Variants in ADRA1A observed in about 807,000 individuals in gnomAD.
The protein encoded by ADRA1A is adrenoceptor alpha 1A, also known as alpha-1A adrenergic receptor.
A neutral mutation model predicts 29.6 loss-of-function variants in ADRA1A; 31 were observed. The observed-to-expected ratio is 1.05, with a 90% CI of 0.79 to 1.41. The LOEUF (loss-of-function observed/expected upper bound fraction) is 1.41. Among genes scored for constraint, ADRA1A ranks in the 40% most tolerant of loss-of-function variants. The probability of loss-of-function intolerance (pLI) is 0.00; values close to 1 mark genes in which losing one functional copy is unlikely to be tolerated. For synonymous variants in ADRA1A, 311 were observed against 254.3 expected (o/e 1.22, Z -2.12); for missense variants, 619 against 601.1 (o/e 1.03, Z -0.31).
rs562169928 is a variant in ADRA1A at position 26,795,386 on chromosome 8, T to C, written c.884-24720A>G. Among the ~76,000 whole-genome samples the C allele has an allele frequency of 3.3e-5, 5 of 152,302 alleles. No homozygotes were observed. In the East Asian group the frequency reaches 9.7e-4, roughly 29 times the overall value. Reference sequence around the variant, plus strand: ...GATGCTGGGGGAAAATAAACCTTTATTTATTACCTTTGAAGGAAACTAATA... The same window carrying C: ...GATGCTGGGGGAAAATAAACCTTTACTTATTACCTTTGAAGGAAACTAATA... On this transcript the variant is annotated intron_variant, in intron 2 of 2. Coordinates refer to ENST00000380573, the MANE Select transcript of ADRA1A (RefSeq NM_000680.4).
At chr8:26,809,392 G>T (rs1160571741) in intron 2 of ADRA1A, among the ~76,000 whole-genome samples, 1 of 152,086 alleles carries the variant, frequency 6.6e-6, no homozygotes, top group Non-Finnish European at 1.5e-5. Flanking sequence ...CCAAAAGAAA[G>T]CAACTTCCTC....
chr8:26,753,641 GAC>G (rs1391539171), downstream of ADRA1A, among the ~76,000 whole-genome samples: 2 of 152,082 alleles, frequency 1.3e-5, no homozygotes, highest in African/African-American at 4.8e-5. Context: ...GATAAATGAA[GAC>G]AGTCTTAAAA....
chr8:26,855,994 G>A (rs993821603), intron 2 of ADRA1A, among the ~76,000 whole-genome samples: 1 of 151,864 alleles, frequency 6.6e-6, no homozygotes, highest in African/African-American at 2.4e-5. Flanking sequence ...TAACTCACTT[G>A]TCTATAGCCT....
rs1251341646 is a variant in ADRA1A, at chr8:26,787,396, G to GA, written c.884-16731dup. ...TTCAGAATAGACATGTTTGGACATG[G>GA]AAAAAAAACCCACACATACTATATT... On this transcript the variant is annotated intron_variant, in intron 2 of 2. Coordinates refer to ENST00000380573, the MANE Select transcript of ADRA1A (RefSeq NM_000680.4). This position sits in a 1 kb window ranked among gnomAD's most constrained non-coding sequence, Gnocchi z 4.2. 1.1e-4 allele frequency among the ~76,000 whole-genome samples: 16 copies of GA among 151,772 alleles called. No individual in the cohort carries two copies. Among genetic ancestry groups the GA allele is most frequent in the African/African-American group, 3.4e-4 (14 of 41,382 alleles).
At position 26,867,133 on chromosome 8, in the gene ADRA1A, T is replaced by C; in HGVS notation, c.-884A>G. On this transcript the variant is annotated 5_prime_UTR_variant, in exon 1 of 3. Transcript: ENST00000380573. ...TTAAGCTCCTGAACCGCTGTCACTT[T>C]ACCTGCATTTTTTAAAAAGAGTCAA... is the stretch of plus-strand genomic sequence containing the variant. 1.0e-6 allele frequency: 1 copy of C among 985,442 alleles called. No homozygotes were observed. The highest frequency in any genetic ancestry group is 1.1e-4 in the East Asian group (1 of 8,814). The allele number at this position is 985,442 out of a possible 1,614,324, so 61.0% of individuals were successfully genotyped here.
chr8:26,836,520 A>T (rs1811375726), intron 2 of ADRA1A, among the ~76,000 whole-genome samples: 1 of 152,234 alleles, frequency 6.6e-6, no homozygotes, highest in Non-Finnish European at 1.5e-5. Flanking sequence ...TGCATTAGGA[A>T]GAAAATTTCA....
intron 2 of ADRA1A, among the ~76,000 whole-genome samples, chr8:26,832,412 A>ACT (rs1308888335): frequency 4.6e-5 from 7 of 152,184 alleles, no homozygotes; most frequent in Non-Finnish European, 7.3e-5. Context: ...GCGGAGGCAA[A>ACT]AGTCTGGAAA....
chr8:26,855,532 A>G (rs1296282758), intron 2 of ADRA1A, among the ~76,000 whole-genome samples: 13 of 152,164 alleles, frequency 8.5e-5, no homozygotes. Context: ...TGTTCAAATA[A>G]GAACACATGA....
intron 2 of ADRA1A, among the ~76,000 whole-genome samples, chr8:26,772,539 A>C (rs1447333170): frequency 6.6e-6 from 1 of 152,172 alleles, no homozygotes; most frequent in Admixed American, 6.5e-5. Context: ...TTATCTGAAA[A>C]AGGAGTATGT....
chr8:26,793,867 G>GTA (rs1808000633), intron 2 of ADRA1A, among the ~76,000 whole-genome samples: 1 of 151,932 alleles, frequency 6.6e-6, no homozygotes, highest in Admixed American at 6.6e-5. Flanking sequence ...TATTTTCAGA[G>GTA]TCTTTAAGTA....
chr8:26,760,409 C>T (rs1022540114), intron 2 of ADRA1A, among the ~76,000 whole-genome samples: 20 of 152,164 alleles, frequency 1.3e-4, no homozygotes, highest in African/African-American at 2.4e-5. Flanking sequence ...TTTAGCAGGG[C>T]CTGGCTGTCT....
exon 3 of ADRA1A, chr8:26,748,475 T>A: frequency 5.0e-6 from 1 of 198,858 alleles, no homozygotes; most frequent in Non-Finnish European, 1.0e-5. Context: ...GCACGGTGGC[T>A]CACGCCTGTA....
At chr8:26,840,197 A>C (rs1385608672) in intron 2 of ADRA1A, among the ~76,000 whole-genome samples, 1 of 152,218 alleles carries the variant, frequency 6.6e-6, no homozygotes, top group African/African-American at 2.4e-5. Context: ...AGACATATAC[A>C]GAAGTCACAA....
At chr8:26,838,218 T>C (rs73564011) in intron 2 of ADRA1A, among the ~76,000 whole-genome samples, 573 of 152,336 alleles carry the variant, frequency 3.8e-3, no homozygotes, top group African/African-American at 0.013. Context: ...CTTTGGACAA[T>C]TGATGTATTT....
intron 2 of ADRA1A, among the ~76,000 whole-genome samples, chr8:26,835,113 T>C (rs1162837332): frequency 1.3e-5 from 2 of 152,248 alleles, no homozygotes; most frequent in African/African-American, 4.8e-5. Context: ...CTTAAACACT[T>C]ATTTTCTTTG....
chr8:26,766,177 A>G, downstream of ADRA1A: 7 of 1,429,720 alleles, frequency 4.9e-6, no homozygotes, highest in Non-Finnish European at 5.9e-6. Context: ...AAGTTGGAAT[A>G]CAGGTGAGTG....
Position 26,823,966 on chromosome 8 carries a change from T to C in ADRA1A, c.883+40121A>G, listed in dbSNP as rs1290500033. Reference sequence around the variant, plus strand: ...GCTCATTTAGAAGAAAGTATTGCCCTGGGCTGGAAAATGGAGTGCCCAATG... The same window carrying C: ...GCTCATTTAGAAGAAAGTATTGCCCCGGGCTGGAAAATGGAGTGCCCAATG... On this transcript the variant is annotated intron_variant, in intron 2 of 2. Transcript: ENST00000380573. The surrounding 1 kb of genome is among the most constrained non-coding windows in gnomAD (Gnocchi z 4.2). Among the ~76,000 whole-genome samples the C allele has an allele frequency of 6.6e-6, 1 of 152,194 alleles. No individual in the cohort carries two copies. Among genetic ancestry groups the C allele is most frequent in the Non-Finnish European group, 1.5e-5 (1 of 68,032 alleles).
chr8:26,858,619 A>G (rs1030802268), intron 2 of ADRA1A, among the ~76,000 whole-genome samples: 4 of 152,234 alleles, frequency 2.6e-5, no homozygotes, highest in African/African-American at 7.2e-5. Context: ...TGAAATCAAC[A>G]AAGATGATTC....
downstream of ADRA1A, chr8:26,756,358 T>C (rs1186852211): frequency 1.8e-6 from 2 of 1,109,488 alleles, no homozygotes; most frequent in Non-Finnish European, 2.3e-6. Context: ...AAAAATGCCA[T>C]TTACTTATTG....
Sources: gnomAD v4.1 joint callset for allele counts (sites outside exome capture counted in the v4.1 genomes callset) on GRCh38, gnomAD v4.1.1 for gene constraint, Gnocchi (gnomAD v3.1) non-coding constraint, MANE v1.5 for transcripts, NCBI Gene and HGNC (gene_info 2026-07-23, HGNC 2026-07-21) for gene names.